CBLB: variants seen among roughly 807,000 people sequenced by gnomAD.
The protein encoded by CBLB is Cbl proto-oncogene B, also known as E3 ubiquitin-protein ligase CBL-B.
In CBLB, 31 loss-of-function variants were observed where a neutral mutation model predicts 104.9. The observed-to-expected ratio is 0.30, with a 90% CI of 0.22 to 0.40. The LOEUF is 0.40. Among genes scored for constraint, CBLB ranks in the 10% least tolerant of loss-of-function variants. CBLB has a pLI of 1.00. For missense variants in CBLB, 1,062 were observed against 1,214.6 expected (o/e 0.87, Z 1.87); for synonymous variants, 440 against 422.6 (o/e 1.04, Z -0.51).
intron 3 of CBLB, among the ~76,000 whole-genome samples, chr3:105,793,296 A>G (rs1323720180): frequency 6.6e-6 from 1 of 152,100 alleles, no homozygotes; most frequent in Non-Finnish European, 1.5e-5. Context: ...TTGGTGGAGC[A>G]CACAAGCATG....
chr3:105,692,210 C>T (rs1410757925), intron 13 of CBLB, among the ~76,000 whole-genome samples: 2 of 152,144 alleles, frequency 1.3e-5, no homozygotes, highest in East Asian at 1.9e-4. Context: ...CAAGCATCCA[C>T]GTATTCTCTG....
chr3:105,855,438 T>C (rs1007322561), intron 2 of CBLB, among the ~76,000 whole-genome samples: 1 of 152,138 alleles, frequency 6.6e-6, no homozygotes, highest in African/African-American at 2.4e-5. Context: ...TTATGGAAGG[T>C]GAAGGATATG....
chr3:105,748,658 A>G (rs2076328412), intron 5 of CBLB, among the ~76,000 whole-genome samples: 1 of 152,212 alleles, frequency 6.6e-6, no homozygotes, highest in African/African-American at 2.4e-5. Context: ...AAGAGAAGGA[A>G]AGAAGGAAGA....
At chr3:105,867,714 T>C (rs908101812) in intron 1 of CBLB, 123 bp from the exon 2 acceptor site, 1 of 787,152 alleles carries the variant, frequency 1.3e-6, no homozygotes, top group Non-Finnish European at 2.1e-6. Flanking sequence ...AAACCAAAAG[T>C]TCCGGATTCA....
chr3:105,757,666 T>C lies in CBLB; in HGVS notation c.567-6048A>G, dbSNP rs192206033. 2.0e-3 allele frequency among the ~76,000 whole-genome samples: 303 copies of C among 152,324 alleles called. 2 individuals carry two copies. Among genetic ancestry groups the C allele is most frequent in the African/African-American group, 7.1e-3 (294 of 41,576 alleles). ...TTTAAAAAATATTACACTAAAAATC[T>C]AAGACTAAAAATCAGATACATGGGA... On this transcript the variant is annotated intron_variant, in intron 4 of 18. Coordinates refer to ENST00000394030, the MANE Select transcript of CBLB (RefSeq NM_170662.5).
chr3:105,699,715 TC>T (rs2152773072), intron 12 of CBLB, among the ~76,000 whole-genome samples: 1 of 152,332 alleles, frequency 6.6e-6, no homozygotes, highest in East Asian at 1.9e-4. Context: ...GAATCATTTT[TC>T]CTTTATAACA....
chr3:105,777,325 A>G (rs1241978916), intron 3 of CBLB, among the ~76,000 whole-genome samples: 1 of 152,218 alleles, frequency 6.6e-6, no homozygotes, highest in Non-Finnish European at 1.5e-5. Context: ...TTCCTCATTA[A>G]GAGGTACTGC....
In CBLB at chr3:105,684,621, C is replaced by T. The variant is rs370782279; in HGVS notation, c.2201+699G>A. Among the ~76,000 whole-genome samples the T allele has an allele frequency of 4.6e-5, 7 of 151,754 alleles. No individual in the cohort carries two copies. The East Asian group carries it at 7.8e-4, about 17-fold the overall frequency. ...AGGCTGGAGTGCAGTGGCACAATCT[C>T]GGCTCACTGCAACCTCCGCCTCCCG... On this transcript the variant is annotated intron_variant, in intron 14 of 18. Transcript: ENST00000394030.
At chr3:105,791,404 T>C (rs1249373599) in intron 3 of CBLB, among the ~76,000 whole-genome samples, 2 of 152,228 alleles carry the variant, frequency 1.3e-5, no homozygotes, top group Non-Finnish European at 2.9e-5. Context: ...AAATGATTCA[T>C]CTGATAAATA....
At chr3:105,684,663 C>T (rs970074481) in intron 14 of CBLB, among the ~76,000 whole-genome samples, 3 of 152,024 alleles carry the variant, frequency 2.0e-5, no homozygotes, top group African/African-American at 7.3e-5. Context: ...AGCGATTCTC[C>T]TGCCTCAGCC....
chr3:105,746,801 G>A (rs2076143239), intron 5 of CBLB, among the ~76,000 whole-genome samples: 1 of 152,132 alleles, frequency 6.6e-6, no homozygotes, highest in South Asian at 2.1e-4. Context: ...GCTACATAAG[G>A]GCAAGGGACA....
At chr3:105,782,303 T>C (rs901879782) in intron 3 of CBLB, among the ~76,000 whole-genome samples, 5 of 152,200 alleles carry the variant, frequency 3.3e-5, no homozygotes, top group Admixed American at 6.5e-5. Flanking sequence ...AAGTCAGCAG[T>C]GCGCCTAGGA....
chr3:105,822,710 C>T (rs529032552), intron 3 of CBLB, among the ~76,000 whole-genome samples: 12 of 152,286 alleles, frequency 7.9e-5, no homozygotes, highest in Admixed American at 3.3e-4. Flanking sequence ...ACTTTTCCAT[C>T]TTGTGTTTTC....
chr3:105,688,370 A>C (rs890344087), intron 13 of CBLB, among the ~76,000 whole-genome samples: 2 of 152,000 alleles, frequency 1.3e-5, no homozygotes, highest in African/African-American at 4.8e-5. Context: ...CATTTTATTA[A>C]ATTCATTGTG....
rs538874253 is a variant in CBLB at position 105,697,088 on chromosome 3, T to A, written c.1960-3500A>T. On this transcript the variant is annotated intron_variant, in intron 12 of 18. Transcript: ENST00000394030. ...TCATATGCCTTACCTCTTAATCACA[T>A]GCCTGTCTCATCCTGACTAGCTTTT... Among the ~76,000 whole-genome samples the A allele has an allele frequency of 6.6e-5, 10 of 152,066 alleles. No homozygotes were observed. In the South Asian group the frequency reaches 1.4e-3, roughly 22 times the overall value.
chr3:105,711,557 T>C (rs1055792893), intron 10 of CBLB, among the ~76,000 whole-genome samples: 3 of 95,288 alleles, frequency 3.1e-5, no homozygotes, highest in Non-Finnish European at 7.2e-5. Flanking sequence ...ACTTGTGTTA[T>C]CTATTTTAGA....
intron 3 of CBLB, among the ~76,000 whole-genome samples, chr3:105,843,581 T>C (rs992699300): frequency 2.0e-5 from 3 of 152,198 alleles, no homozygotes; most frequent in Non-Finnish European, 2.9e-5. Flanking sequence ...ACTTTATACA[T>C]TAAAATCGGT....
intron 13 of CBLB, among the ~76,000 whole-genome samples, chr3:105,688,105 G>T (rs1003636042): frequency 1.3e-5 from 2 of 151,964 alleles, no homozygotes; most frequent in African/African-American, 4.8e-5. Context: ...ATGGGGCATG[G>T]GACAATTTTC....
At chr3:105,726,714 C>T (rs1033062167) in intron 9 of CBLB, among the ~76,000 whole-genome samples, 2 of 152,088 alleles carry the variant, frequency 1.3e-5, no homozygotes, top group South Asian at 2.1e-4. Flanking sequence ...GCCCCCCAGC[C>T]GCTGACAGAC....
Sources: allele counts gnomAD v4.1 joint callset (sites outside exome capture counted in the v4.1 genomes callset), GRCh38; gene constraint gnomAD v4.1.1; transcripts MANE v1.5; gene names NCBI Gene and HGNC (gene_info 2026-07-23, HGNC 2026-07-21).